The following MGLL variants were observed in gnomAD, a reference collection of about 807,000 sequenced individuals.
MGLL encodes monoglyceride lipase.
Under a neutral mutation model 29.1 loss-of-function variants are expected in MGLL, and 7 were observed. That is an observed-to-expected ratio of 0.24 (90% CI 0.14 to 0.45). The LOEUF (loss-of-function observed/expected upper bound fraction) is 0.45, where lower values mean the gene tolerates loss of function less well. Ranked by LOEUF, MGLL falls within the 20% of genes least tolerant of loss-of-function variation. The pLI, the probability that MGLL is intolerant of heterozygous loss-of-function variation, is 0.99. For synonymous variants in MGLL, 148 were observed against 168.3 expected (o/e 0.88, Z 0.93); for missense variants, 356 against 413.6 (o/e 0.86, Z 1.21).
Position 127,714,576 on chromosome 3 carries a change from C to T in MGLL, c.511-3911G>A, listed in dbSNP as rs183728923. ...ACGAATGTAGATGGAGGAACACGCCCTCCAGGAAGGCCTGGTGTAGATTCT... is the reference window on the plus strand; with the variant it reads ...ACGAATGTAGATGGAGGAACACGCCTTCCAGGAAGGCCTGGTGTAGATTCT... On this transcript the variant is annotated intron_variant, in intron 5 of 7. Coordinates refer to ENST00000265052, the MANE Select transcript of MGLL (RefSeq NM_007283.7). Among the ~76,000 whole-genome samples, 797 of 152,322 alleles carry T rather than the reference C, an allele frequency of 5.2e-3. 6 individuals are homozygous for T. Among genetic ancestry groups the T allele is most frequent in the African/African-American group, 0.018 (753 of 41,568 alleles).
intron 7 of MGLL, among the ~76,000 whole-genome samples, chr3:127,694,721 T>C (rs1465749021): frequency 6.6e-6 from 1 of 152,246 alleles, no homozygotes; most frequent in Non-Finnish European, 1.5e-5. Context: ...TTCTTGCCTA[T>C]AACATCTTTT....
intron 6 of MGLL, among the ~76,000 whole-genome samples, chr3:127,708,221 C>T (rs901604053): frequency 1.1e-4 from 17 of 152,212 alleles, no homozygotes; most frequent in African/African-American, 4.1e-4. Flanking sequence ...CTCAGCAGAA[C>T]GTTCAGAGGG....
intron 7 of MGLL, among the ~76,000 whole-genome samples, chr3:127,692,769 C>A (rs536420320): frequency 6.6e-6 from 1 of 152,300 alleles, no homozygotes; most frequent in African/African-American, 2.4e-5. Flanking sequence ...GCAGGGGACA[C>A]TGTGCTGGTC....
At chr3:127,811,940 T>C (rs940325172) in intron 2 of MGLL, among the ~76,000 whole-genome samples, 1 of 152,212 alleles carries the variant, frequency 6.6e-6, no homozygotes, top group Admixed American at 6.5e-5. Context: ...CCAGCACTAA[T>C]TGCGAACCCA....
At chr3:127,725,363 C>T (rs1268422432) in intron 3 of MGLL, among the ~76,000 whole-genome samples, 2 of 152,152 alleles carry the variant, frequency 1.3e-5, no homozygotes, top group African/African-American at 4.8e-5. Flanking sequence ...TCACATGGTA[C>T]AAAATCAAAG....
chr3:127,795,033 C>T (rs2077361630), intron 2 of MGLL, among the ~76,000 whole-genome samples: 1 of 152,144 alleles, frequency 6.6e-6, no homozygotes, highest in South Asian at 2.1e-4. Flanking sequence ...GGTATATACC[C>T]AAAGGAAAAT....
chr3:127,787,567 A>C (rs569603964), intron 2 of MGLL, among the ~76,000 whole-genome samples: 3 of 152,348 alleles, frequency 2.0e-5, no homozygotes, highest in South Asian at 4.1e-4. Context: ...GAGGAAATGT[A>C]TGGTCAGAGG....
rs35649865 is a variant in MGLL at position 127,750,633 on chromosome 3, G to GACAC, written c.263-28071_263-28068dup. ...TTCCACTCCCGGGCAAACGCACACT[G>GACAC]ACACACACACACACACCACTGAAAG... is the stretch of plus-strand genomic sequence containing the variant. On this transcript the variant is annotated intron_variant, in intron 3 of 7. Coordinates refer to ENST00000265052, the MANE Select transcript of MGLL (RefSeq NM_007283.7). Among the ~76,000 whole-genome samples the GACAC allele has an allele frequency of 1.7e-3, 251 of 150,494 alleles. 6 individuals are homozygous for GACAC. The highest frequency in any genetic ancestry group is 5.3e-3 in the African/African-American group (217 of 40,992).
intron 3 of MGLL, among the ~76,000 whole-genome samples, chr3:127,759,374 C>T (rs1441477840): frequency 3.9e-5 from 6 of 152,202 alleles, no homozygotes; most frequent in Non-Finnish European, 2.9e-5. Flanking sequence ...GCGGGACTGT[C>T]CTTACCCCTC....
chr3:127,750,066 G>A (rs2076528866), intron 3 of MGLL, among the ~76,000 whole-genome samples: 1 of 152,156 alleles, frequency 6.6e-6, no homozygotes, highest in African/African-American at 2.4e-5. Flanking sequence ...CCCGAGGGAG[G>A]TGGGAGACAC....
rs9821239 is a variant in MGLL at position 127,789,197 on chromosome 3, C to G, written c.156-7302G>C. Among the ~76,000 whole-genome samples, 944 of 152,238 alleles carry G rather than the reference C, an allele frequency of 6.2e-3. 11 individuals are homozygous for G. The highest frequency in any genetic ancestry group is 0.022 in the African/African-American group (895 of 41,524). On this transcript the variant is annotated intron_variant, in intron 2 of 7. Transcript: ENST00000265052. ...ACAAGGCCCTGAGGCATGTGGTGGC[C>G]AGGAGGAGCTGGGTATGAGTGTGAG...
At chr3:127,698,105 C>T (rs969434196) in intron 6 of MGLL, among the ~76,000 whole-genome samples, 1 of 152,220 alleles carries the variant, frequency 6.6e-6, no homozygotes, top group Non-Finnish European at 1.5e-5. Flanking sequence ...GTCTTGATCA[C>T]GTAGGCCCTG....
chr3:127,727,723 A>C (rs911604173), intron 3 of MGLL, among the ~76,000 whole-genome samples: 1 of 151,722 alleles, frequency 6.6e-6, no homozygotes, highest in South Asian at 2.1e-4. Flanking sequence ...AAAAAAAAAA[A>C]AAAAAACAGA....
chr3:127,815,621 G>A (rs2077740667), intron 2 of MGLL, among the ~76,000 whole-genome samples: 1 of 152,130 alleles, frequency 6.6e-6, no homozygotes, highest in African/African-American at 2.4e-5. Context: ...TTTGTGTTTG[G>A]GTCCTCTCCC....
intron 2 of MGLL, among the ~76,000 whole-genome samples, chr3:127,808,573 G>A (rs910793602): frequency 6.6e-6 from 1 of 151,828 alleles, no homozygotes; most frequent in African/African-American, 2.4e-5. Context: ...CACCAGGGTG[G>A]AGTCAACACC....
chr3:127,712,644 T>C (rs1180651249), intron 5 of MGLL: 1 of 152,288 alleles, frequency 6.6e-6, no homozygotes, highest in East Asian at 1.9e-4. Flanking sequence ...TGCTGAGCCC[T>C]GGGCTCCGAC....
intron 6 of MGLL, among the ~76,000 whole-genome samples, chr3:127,703,202 T>C (rs2075532827): frequency 1.3e-5 from 2 of 152,168 alleles, no homozygotes; most frequent in African/African-American, 4.8e-5. Context: ...GGCCCTGGAA[T>C]GTGGCTCTGA....
At chr3:127,787,402 C>T (rs563938569) in intron 2 of MGLL, among the ~76,000 whole-genome samples, 1 of 152,186 alleles carries the variant, frequency 6.6e-6, no homozygotes, top group Non-Finnish European at 1.5e-5. Context: ...CGGACAGTCC[C>T]CTAGAGCACG....
rs576310866 is a variant in MGLL, at chr3:127,797,119, C to T, written c.156-15224G>A. ...TGTGATGCTGTGCAGTCCCCAGGCA[C>T]GAGAGGCCATGCTGTGCCACATACA... On this transcript the variant is annotated intron_variant, in intron 2 of 7. Coordinates refer to ENST00000265052, the MANE Select transcript of MGLL (RefSeq NM_007283.7). Among the ~76,000 whole-genome samples the T allele has an allele frequency of 2.6e-5, 4 of 152,122 alleles. No individual in the cohort carries two copies. The South Asian group carries it at 6.2e-4, about 24-fold the overall frequency.
Sources: gnomAD v4.1 joint callset for allele counts (sites outside exome capture counted in the v4.1 genomes callset) on GRCh38, gnomAD v4.1.1 for gene constraint, MANE v1.5 for transcripts, NCBI Gene and HGNC (gene_info 2026-07-23, HGNC 2026-07-21) for gene names.